The following COL26A1 variants were observed in gnomAD, a reference collection of about 807,000 sequenced individuals.
The protein encoded by COL26A1 is collagen alpha-1(XXVI) chain.
COL26A1 carries 41 observed loss-of-function variants against 59.3 expected under a neutral mutation model. That is an observed-to-expected ratio of 0.69 (90% CI 0.54 to 0.90). The LOEUF (loss-of-function observed/expected upper bound fraction) is 0.90. Among genes scored for constraint, COL26A1 ranks in the 40% least tolerant of loss-of-function variants. The pLI is 0.00. For missense variants in COL26A1, 612 were observed against 602.3 expected (o/e 1.02, Z -0.17); for synonymous variants, 266 against 256.0 (o/e 1.04, Z -0.37).
At chr7:101,417,325 T>C (rs1361264479) in intron 1 of COL26A1, among the ~76,000 whole-genome samples, 1 of 151,904 alleles carries the variant, frequency 6.6e-6, no homozygotes, top group African/African-American at 2.4e-5. Context: ...TAAGAATTCA[T>C]TTATCTGTCT....
intron 3 of COL26A1, among the ~76,000 whole-genome samples, chr7:101,495,860 G>A (rs1794574557): frequency 6.6e-6 from 1 of 151,590 alleles, no homozygotes; most frequent in African/African-American, 2.4e-5. Flanking sequence ...TTGGGAGGCC[G>A]AGGCGGGATG....
chr7:101,426,361 C>T (rs182883525), intron 2 of COL26A1, among the ~76,000 whole-genome samples: 161 of 150,974 alleles, frequency 1.1e-3, no homozygotes, highest in African/African-American at 3.7e-3. Context: ...GGAATATTCA[C>T]CTCACAATCT....
chr7:101,459,288 G>C (rs1224435316), intron 3 of COL26A1, among the ~76,000 whole-genome samples: 1 of 148,736 alleles, frequency 6.7e-6, no homozygotes, highest in Non-Finnish European at 1.5e-5. Context: ...GAGTTCTTTT[G>C]TTTGTTTGTT....
intron 3 of COL26A1, among the ~76,000 whole-genome samples, chr7:101,457,693 A>G (rs549442316): frequency 1.2e-4 from 18 of 152,294 alleles, no homozygotes; most frequent in African/African-American, 4.3e-4. Context: ...TTCTATCATC[A>G]TAGATCAATT....
intron 3 of COL26A1, among the ~76,000 whole-genome samples, chr7:101,514,880 G>A (rs1296475524): frequency 6.6e-6 from 1 of 152,336 alleles, no homozygotes; most frequent in East Asian, 1.9e-4. Context: ...GGAGATCTAG[G>A]CTCCCTTCCC....
intron 3 of COL26A1, among the ~76,000 whole-genome samples, chr7:101,449,850 G>A (rs913177357): frequency 1.3e-5 from 2 of 151,840 alleles, no homozygotes; most frequent in Non-Finnish European, 2.9e-5. Flanking sequence ...TAGGATGGGC[G>A]TGGTGGCTCA....
chr7:101,458,842 C>T (rs1008417298), intron 3 of COL26A1, among the ~76,000 whole-genome samples: 45 of 145,054 alleles, frequency 3.1e-4, no homozygotes, highest in Non-Finnish European at 1.3e-4. Flanking sequence ...GACTTTGTTG[C>T]TCGGCCTGGA....
At chr7:101,365,781 T>C (rs1160505954) in intron 1 of COL26A1, among the ~76,000 whole-genome samples, 1 of 150,676 alleles carries the variant, frequency 6.6e-6, no homozygotes, top group Non-Finnish European at 1.5e-5. Context: ...AAGGAGCGTA[T>C]ATTCATGTAA....
At chr7:101,478,412 GT>G (rs1459152373) in intron 3 of COL26A1, among the ~76,000 whole-genome samples, 4 of 152,184 alleles carry the variant, frequency 2.6e-5, no homozygotes, top group African/African-American at 7.2e-5. Flanking sequence ...GTGTCCTTTT[GT>G]AAAATTAGGT....
At chr7:101,486,412 GC>G (rs1794270520) in intron 3 of COL26A1, among the ~76,000 whole-genome samples, 1 of 152,198 alleles carries the variant, frequency 6.6e-6, no homozygotes, top group African/African-American at 2.4e-5. Flanking sequence ...GCCAGCCTCA[GC>G]AGAGACATTG....
intron 3 of COL26A1, among the ~76,000 whole-genome samples, chr7:101,492,421 G>A (rs551152894): frequency 1.3e-5 from 2 of 152,068 alleles, no homozygotes; most frequent in East Asian, 1.9e-4. Context: ...TGCAGGCCGG[G>A]CGCGGTGGCT....
intron 3 of COL26A1, among the ~76,000 whole-genome samples, chr7:101,463,895 T>TTCTTTCTTTCTTTCTTTC (rs1793692705): frequency 7.7e-6 from 1 of 130,380 alleles, no homozygotes; most frequent in African/African-American, 3.5e-5. Context: ...CTTTCTTTCT[T>TTCTTTCTTTCTTTCTTTC]TCTTTCTTTT....
chr7:101,371,945 T>C (rs976046765), intron 1 of COL26A1, among the ~76,000 whole-genome samples: 15 of 151,840 alleles, frequency 9.9e-5, no homozygotes, highest in African/African-American at 3.4e-4. Flanking sequence ...AGCCTGGGAG[T>C]CTTTGTGCCT....
intron 1 of COL26A1, among the ~76,000 whole-genome samples, chr7:101,381,061 A>G (rs536377596): frequency 6.6e-6 from 1 of 152,314 alleles, no homozygotes; most frequent in East Asian, 1.9e-4. Context: ...TGCTGTAACA[A>G]ATTACCACAA....
At chr7:101,447,484 G>A (rs968110469) in intron 2 of COL26A1, among the ~76,000 whole-genome samples, 200 bp from the exon 3 acceptor site, 6 of 152,254 alleles carry the variant, frequency 3.9e-5, no homozygotes, top group Non-Finnish European at 2.9e-5. Context: ...GATCTCTTTC[G>A]TTGTCATAAC....
chr7:101,489,812 T>TG (rs1188372470), intron 3 of COL26A1, among the ~76,000 whole-genome samples: 97 of 4,058 alleles, frequency 0.024, 17 homozygotes, highest in Non-Finnish European at 0.03. Flanking sequence ...CTTTCTTTCT[T>TG]TCTTTCTTTC....
At chr7:101,534,416 T>A (rs117162637) in intron 4 of COL26A1, among the ~76,000 whole-genome samples, 3,353 of 152,104 alleles carry the variant, frequency 0.022, 68 homozygotes, top group Non-Finnish European at 0.03. Context: ...CATACCCACA[T>A]AATACATGTG....
rs1204192041 is a variant in COL26A1, at chr7:101,556,189, C to T, written c.1165+318C>T. Reference sequence around the variant, plus strand: ...GCCTGGTGAACACTGACTGCCACTTCGGGACCTGCTCAAAGATCTCGGCCT... The same window carrying T: ...GCCTGGTGAACACTGACTGCCACTTTGGGACCTGCTCAAAGATCTCGGCCT... On this transcript the variant is annotated intron_variant, in intron 12 of 12. Transcript: ENST00000313669. Among the ~76,000 whole-genome samples the T allele has an allele frequency of 2.6e-5, 4 of 152,210 alleles. No individual in the cohort carries two copies. The East Asian group carries it at 5.8e-4, about 22-fold the overall frequency.
intron 3 of COL26A1, among the ~76,000 whole-genome samples, chr7:101,501,433 A>G (rs1203790877): frequency 6.6e-6 from 1 of 151,916 alleles, no homozygotes; most frequent in Non-Finnish European, 1.5e-5. Context: ...GGCCAGGAGG[A>G]GCTCAGAGGT....
Sources: gnomAD v4.1 joint callset for allele counts (sites outside exome capture counted in the v4.1 genomes callset) on GRCh38, gnomAD v4.1.1 for gene constraint, MANE v1.5 for transcripts, NCBI Gene and HGNC (gene_info 2026-07-23, HGNC 2026-07-21) for gene names.